The following DACH2 variants were observed in gnomAD, a reference collection of about 807,000 sequenced individuals.
DACH2 encodes the protein dachshund family transcription factor 2.
In DACH2, 17 loss-of-function variants were observed where a neutral mutation model predicts 35.8. The ratio of observed to expected loss-of-function variants is 0.48; its 90% CI spans 0.33 to 0.71. DACH2 has a LOEUF of 0.71. DACH2 is among the 30% of genes least tolerant of loss of function. DACH2 has a pLI of 0.02. For missense variants in DACH2, 469 were observed against 472.7 expected (o/e 0.99, Z 0.07); for synonymous variants, 195 against 177.3 (o/e 1.10, Z -0.79).
chrX:86,437,706 T>G (rs758289141), intron 2 of DACH2, among the ~76,000 whole-genome samples: 3 of 111,296 alleles, frequency 2.7e-5, no homozygotes, highest in Non-Finnish European at 5.7e-5. Flanking sequence ...CAATTCCATA[T>G]CTTTATTATT....
intron 3 of DACH2, among the ~76,000 whole-genome samples, chrX:86,617,562 T>A (rs1043024890): frequency 1.8e-5 from 2 of 111,998 alleles, no homozygotes; most frequent in Non-Finnish European, 3.8e-5. Flanking sequence ...GAGTTTATTT[T>A]CTGCAAACAT....
At chrX:86,742,392 A>T (rs2041665925) in intron 7 of DACH2, among the ~76,000 whole-genome samples, 1 of 111,247 alleles carries the variant, frequency 9.0e-6, no homozygotes, top group African/African-American at 3.3e-5. Flanking sequence ...GTTGGCAATT[A>T]TACAAATTCA....
chrX:86,687,535 T>C (rs755487131), intron 4 of DACH2, among the ~76,000 whole-genome samples: 95 of 111,806 alleles, frequency 8.5e-4, no homozygotes, highest in Non-Finnish European at 1.5e-3. Context: ...AGAAATCCCA[T>C]TAGTGGGCAT....
At chrX:86,810,536 C>T (rs2042384965) in intron 7 of DACH2, among the ~76,000 whole-genome samples, 1 of 111,485 alleles carries the variant, frequency 9.0e-6, no homozygotes, top group African/African-American at 3.3e-5. Flanking sequence ...AGTACAGAAC[C>T]TTTCCAGCTA....
chrX:86,710,301 A>C (rs2041264683), intron 5 of DACH2, among the ~76,000 whole-genome samples: 1 of 112,245 alleles, frequency 8.9e-6, no homozygotes, highest in African/African-American at 3.2e-5. Flanking sequence ...ACTAGGTAGC[A>C]TTCAGGTAAA....
chrX:86,731,918 A>G (rs1016278404), intron 6 of DACH2, among the ~76,000 whole-genome samples: 1 of 112,429 alleles, frequency 8.9e-6, no homozygotes, highest in Non-Finnish European at 1.9e-5. Flanking sequence ...TGCATAGGAT[A>G]TATCTACTAT....
chrX:86,309,161 G>T (rs2034748763), intron 1 of DACH2, among the ~76,000 whole-genome samples: 1 of 112,078 alleles, frequency 8.9e-6, no homozygotes, highest in Admixed American at 9.4e-5. Flanking sequence ...AGACACAGAG[G>T]TGGTGATTCC....
intron 1 of DACH2, among the ~76,000 whole-genome samples, chrX:86,219,843 A>G (rs1020649303): frequency 7.3e-5 from 8 of 109,577 alleles, no homozygotes; most frequent in Admixed American, 6.9e-4. Flanking sequence ...AAGGTAATAC[A>G]TTTATCCATC....
At chrX:86,621,206 A>G (rs2040065885) in intron 3 of DACH2, among the ~76,000 whole-genome samples, 1 of 111,649 alleles carries the variant, frequency 9.0e-6, no homozygotes, top group African/African-American at 3.2e-5. Context: ...AGAAAGCTCT[A>G]GTTCTAATTT....
intron 7 of DACH2, among the ~76,000 whole-genome samples, chrX:86,749,439 A>G (rs2041748806): frequency 9.0e-6 from 1 of 111,429 alleles, no homozygotes; most frequent in African/African-American, 3.3e-5. Context: ...TAATTTCAAT[A>G]TTGTTGTATC....
intron 1 of DACH2, among the ~76,000 whole-genome samples, chrX:86,317,415 G>A (rs1437410826): frequency 1.8e-5 from 2 of 111,778 alleles, no homozygotes; most frequent in East Asian, 2.8e-4. Flanking sequence ...ATCCCTTTTT[G>A]TTTTCCTTGA....
chrX:86,597,601 T>C (rs1020085339), intron 3 of DACH2, among the ~76,000 whole-genome samples: 3 of 111,911 alleles, frequency 2.7e-5, no homozygotes, highest in African/African-American at 9.7e-5. Flanking sequence ...CTGGAGAATG[T>C]TCCATCCATA....
chrX:86,611,950 G>T (rs930944004), intron 3 of DACH2, among the ~76,000 whole-genome samples: 2 of 101,294 alleles, frequency 2.0e-5, no homozygotes, highest in Non-Finnish European at 4.0e-5. Flanking sequence ...TGTTGAAGTT[G>T]TTGTTCCTGT....
intron 2 of DACH2, among the ~76,000 whole-genome samples, chrX:86,413,225 A>G (rs1000389434): frequency 9.8e-5 from 11 of 112,182 alleles, no homozygotes; most frequent in Non-Finnish European, 2.1e-4. Flanking sequence ...AATATAATGG[A>G]CCAGTGTGAT....
intron 1 of DACH2, among the ~76,000 whole-genome samples, chrX:86,338,211 T>A (rs1472488318): frequency 9.0e-6 from 1 of 111,500 alleles, no homozygotes; most frequent in East Asian, 2.8e-4. Flanking sequence ...CTGGACCAAG[T>A]GGACCTAATA....
rs1277120580 is a variant in DACH2 at position 86,832,119 on chromosome X, C to CTGTT, written c.1766_1769dup (p.Glu591PhefsTer79). The CTGTT allele has an allele frequency of 6.7e-6, 8 of 1,189,703 alleles. No homozygotes were observed. In the African/African-American group the frequency reaches 1.2e-4, roughly 18 times the overall value. On this transcript the variant is annotated frameshift_variant, in exon 12 of 12. Coordinates refer to ENST00000373125, the MANE Select transcript of DACH2 (RefSeq NM_053281.3). LOFTEE classifies it high-confidence loss of function. ...TTTTTTTTTAAGGAGGTAACTATTA[C>CTGTT]TGTTTAGAAATGGCACAACAGTTGT... is the stretch of plus-strand genomic sequence containing the variant.
At chrX:86,667,593 AAAG>A (rs2040711416) in intron 4 of DACH2, among the ~76,000 whole-genome samples, 3 of 103,257 alleles carry the variant, frequency 2.9e-5, no homozygotes, top group African/African-American at 7.9e-5. Flanking sequence ...AGAAAGAAAG[AAAG>A]AAAGAAAGAA....
intron 3 of DACH2, among the ~76,000 whole-genome samples, chrX:86,532,481 G>T (rs1602616332): frequency 9.7e-6 from 1 of 102,739 alleles, no homozygotes; most frequent in East Asian, 3.1e-4. Context: ...TTGAAGTATA[G>T]CTCTCTCTCT....
chrX:86,682,613 T>C (rs925292089), intron 4 of DACH2, among the ~76,000 whole-genome samples: 1 of 111,635 alleles, frequency 9.0e-6, no homozygotes, highest in South Asian at 3.7e-4. Context: ...ATAATTATAG[T>C]TTTAATTACT....
Sources: gnomAD v4.1 joint callset for allele counts (sites outside exome capture counted in the v4.1 genomes callset) on GRCh38, gnomAD v4.1.1 for gene constraint, MANE v1.5 for transcripts, NCBI Gene and HGNC (gene_info 2026-07-23, HGNC 2026-07-21) for gene names.